Variants in AGMO observed in about 807,000 individuals in gnomAD.
AGMO encodes the protein glyceryl-ether monooxygenase.
In AGMO, 75 loss-of-function variants were observed where a neutral mutation model predicts 60.2. That is an observed-to-expected ratio of 1.25 (90% CI 1.03 to 1.51). The LOEUF (loss-of-function observed/expected upper bound fraction) is 1.51, where lower values mean the gene tolerates loss of function less well. Among genes scored for constraint, AGMO ranks in the 40% most tolerant of loss-of-function variants. The probability of loss-of-function intolerance (pLI) is 0.00; values close to 1 mark genes in which losing one functional copy is unlikely to be tolerated. For missense variants in AGMO, 763 were observed against 525.5 expected (o/e 1.45, Z -4.42); for synonymous variants, 261 against 177.1 (o/e 1.47, Z -3.76).
chr7:15,387,078 G>C (rs535979152), intron 9 of AGMO, among the ~76,000 whole-genome samples: 1 of 152,234 alleles, frequency 6.6e-6, no homozygotes, highest in East Asian at 1.9e-4. Flanking sequence ...TAGTGTTCTA[G>C]GACTCTGTGT....
At chr7:15,400,895 A>G (rs1784535919) in intron 5 of AGMO, among the ~76,000 whole-genome samples, 1 of 152,174 alleles carries the variant, frequency 6.6e-6, no homozygotes, top group Non-Finnish European at 1.5e-5. Context: ...CAGAGATGGA[A>G]AAGTGATTAT....
intron 5 of AGMO, among the ~76,000 whole-genome samples, chr7:15,397,275 C>T (rs1181887884): frequency 6.6e-6 from 1 of 151,954 alleles, no homozygotes; most frequent in Non-Finnish European, 1.5e-5. Context: ...TCAAGCCCAG[C>T]AGGCGCCGGC....
chr7:15,141,038 G>A, the AGMO span, among the ~76,000 whole-genome samples: 169 of 152,178 alleles, frequency 1.1e-3, no homozygotes, highest in Middle Eastern at 6.8e-3. Flanking sequence ...GCTAACAAAT[G>A]AGACCAATTT....
intron 12 of AGMO, among the ~76,000 whole-genome samples, chr7:15,336,128 A>G (rs1781652318): frequency 1.3e-5 from 2 of 152,044 alleles, no homozygotes; most frequent in Admixed American, 1.3e-4. Flanking sequence ...TCTTGCATTC[A>G]CCTGCAAACA....
intron 4 of AGMO, among the ~76,000 whole-genome samples, chr7:15,423,566 A>T (rs1465109267): frequency 6.6e-6 from 1 of 152,222 alleles, no homozygotes; most frequent in African/African-American, 2.4e-5. Flanking sequence ...GGCACCCAGT[A>T]CCTCAGAATG....
intron 12 of AGMO, among the ~76,000 whole-genome samples, chr7:15,248,179 CATATATAT>C (rs71549925): frequency 0.031 from 1,019 of 32,592 alleles, 29 homozygotes; most frequent in Non-Finnish European, 0.058. Flanking sequence ...GATCCAGCAC[CATATATAT>C]ATATATATAT....
intron 12 of AGMO, among the ~76,000 whole-genome samples, chr7:15,359,837 T>G (rs1426630986): frequency 6.6e-6 from 1 of 152,182 alleles, no homozygotes; most frequent in African/African-American, 2.4e-5. Context: ...TCCTGAAACC[T>G]TTCCATATGA....
chr7:15,407,558 G>A (rs888197179), intron 5 of AGMO, among the ~76,000 whole-genome samples: 3 of 151,586 alleles, frequency 2.0e-5, no homozygotes, highest in African/African-American at 7.3e-5. Context: ...CTGATTCAGG[G>A]TAGTAGCAAA....
downstream of AGMO, among the ~76,000 whole-genome samples, chr7:15,198,195 C>CTG (rs1781169159): frequency 1.2e-5 from 1 of 82,926 alleles, no homozygotes; most frequent in Non-Finnish European, 2.6e-5. Context: ...TAGGGCTTTC[C>CTG]CGAGAGAGAG....
intron 12 of AGMO, among the ~76,000 whole-genome samples, chr7:15,339,192 C>T (rs980083615): frequency 6.6e-6 from 1 of 152,092 alleles, no homozygotes; most frequent in Admixed American, 6.5e-5. Context: ...TATCCCAGAT[C>T]ATGAGTACTA....
intron 12 of AGMO, among the ~76,000 whole-genome samples, chr7:15,238,889 C>T (rs1411963669): frequency 1.3e-5 from 2 of 152,060 alleles, no homozygotes; most frequent in Non-Finnish European, 2.9e-5. Flanking sequence ...ATAATATGTA[C>T]CCCCATTACT....
At chr7:15,326,701 T>G (rs561662896) in intron 12 of AGMO, among the ~76,000 whole-genome samples, 1 of 152,190 alleles carries the variant, frequency 6.6e-6, no homozygotes, top group Non-Finnish European at 1.5e-5. Context: ...ATAATACCTA[T>G]GAAATGGATA....
chr7:15,255,523 A>G (rs1035792466), intron 12 of AGMO, among the ~76,000 whole-genome samples: 6 of 134,280 alleles, frequency 4.5e-5, no homozygotes, highest in Non-Finnish European at 9.4e-5. Context: ...CTCCAAAGCC[A>G]TGTAAGAATA....
the AGMO span, among the ~76,000 whole-genome samples, chr7:15,177,955 C>G: frequency 1.3e-5 from 2 of 152,072 alleles, no homozygotes; most frequent in East Asian, 3.9e-4. Context: ...AAATTAAAAT[C>G]GATTTTCATT....
intron 3 of AGMO, among the ~76,000 whole-genome samples, chr7:15,500,921 A>AT (rs60039025): frequency 0.74 from 112,158 of 151,648 alleles, 42,878 homozygotes; most frequent in East Asian, 0.96. Context: ...GAATGTCTTG[A>AT]TTTTTGTCCC....
At chr7:15,277,311 TAATAAATAAATA>T (rs35947599) in intron 12 of AGMO, among the ~76,000 whole-genome samples, 8,170 of 144,916 alleles carry the variant, frequency 0.056, 749 homozygotes, top group African/African-American at 0.19. Context: ...TCTCAAAAAA[TAATAAATAAATA>T]AATAAATAAA....
intron 12 of AGMO, among the ~76,000 whole-genome samples, chr7:15,336,583 C>T (rs1039230277): frequency 7.9e-5 from 12 of 152,104 alleles, no homozygotes; most frequent in African/African-American, 2.9e-4. Context: ...TGGGAAATTT[C>T]AATTGTCATT....
At chr7:15,333,614 AAAAAG>A (rs1202424503) in intron 12 of AGMO, among the ~76,000 whole-genome samples, 102 of 151,200 alleles carry the variant, frequency 6.7e-4, no homozygotes, top group African/African-American at 2.3e-3. Flanking sequence ...AAAAAAAAAA[AAAAAG>A]AAAGAAAAAA....
chr7:15,331,918 C>G (rs983085419), intron 12 of AGMO, among the ~76,000 whole-genome samples: 2 of 146,964 alleles, frequency 1.4e-5, no homozygotes, highest in Non-Finnish European at 3.0e-5. Flanking sequence ...AAGAGTAAAA[C>G]TGTCTCAAAA....
Sources: allele counts gnomAD v4.1 joint callset (sites outside exome capture counted in the v4.1 genomes callset), GRCh38; gene constraint gnomAD v4.1.1; transcripts MANE v1.5; gene names NCBI Gene and HGNC (gene_info 2026-07-23, HGNC 2026-07-21).